Variants in LARGE1 observed in about 807,000 individuals in gnomAD.
The protein encoded by LARGE1 is LARGE xylosyl- and glucuronyltransferase 1, also known as xylosyl- and glucuronyltransferase LARGE1.
A neutral mutation model predicts 87.6 loss-of-function variants in LARGE1; 43 were observed. The observed-to-expected ratio is 0.49, with a 90% CI of 0.38 to 0.63. The LOEUF (loss-of-function observed/expected upper bound fraction) is 0.63. Among genes scored for constraint, LARGE1 ranks in the 30% least tolerant of loss-of-function variants. The pLI is 0.00. For missense variants in LARGE1, 802 were observed against 1,000.2 expected, an observed-to-expected ratio of 0.80 and a Z score of 2.67; for synonymous variants, 434 against 394.6, an observed-to-expected ratio of 1.10 and a Z score of -1.18.
At chr22:33,391,592 G>A (rs866367024) in intron 7 of LARGE1, among the ~76,000 whole-genome samples, 2 of 152,058 alleles carry the variant, frequency 1.3e-5, no homozygotes, top group Non-Finnish European at 2.9e-5. Flanking sequence ...CTAGCAGGTA[G>A]CAAATACTGT....
intron 2 of LARGE1, among the ~76,000 whole-genome samples, chr22:33,715,621 C>CT (rs2082886463): frequency 6.6e-6 from 1 of 152,170 alleles, no homozygotes; most frequent in Non-Finnish European, 1.5e-5. Context: ...AATGTAGGAT[C>CT]GCCAGGCCCT....
intron 6 of LARGE1, among the ~76,000 whole-genome samples, chr22:33,456,811 A>T (rs2068149998): frequency 6.6e-6 from 1 of 152,176 alleles, no homozygotes; most frequent in Non-Finnish European, 1.5e-5. Flanking sequence ...GCCCTTCTGT[A>T]AATGTAGAAT....
At chr22:33,780,987 CA>C (rs2085402515) in intron 1 of LARGE1, among the ~76,000 whole-genome samples, 1 of 152,214 alleles carries the variant, frequency 6.6e-6, no homozygotes, top group African/African-American at 2.4e-5. Flanking sequence ...TGCGATAGCG[CA>C]CAAAGCTGCC....
the LARGE1 span, among the ~76,000 whole-genome samples, chr22:33,075,706 T>C: frequency 6.6e-6 from 1 of 152,232 alleles, no homozygotes; most frequent in African/African-American, 2.4e-5. Context: ...CTGACTATTA[T>C]AGTAAATATG....
At chr22:33,401,470 TA>T (rs934137109) in intron 7 of LARGE1, among the ~76,000 whole-genome samples, 1 of 151,726 alleles carries the variant, frequency 6.6e-6, no homozygotes, top group East Asian at 1.9e-4. Context: ...CCATTAGTCA[TA>T]AAAAAAATAA....
intron 1 of LARGE1, among the ~76,000 whole-genome samples, chr22:33,885,529 T>C (rs1341020239): frequency 6.6e-6 from 1 of 152,262 alleles, no homozygotes; most frequent in Non-Finnish European, 1.5e-5. Flanking sequence ...CTGATATTGA[T>C]AGAGCAATAT....
intron 2 of LARGE1, among the ~76,000 whole-genome samples, chr22:33,656,098 T>C (rs1173298420): frequency 6.6e-6 from 1 of 151,886 alleles, no homozygotes; most frequent in Admixed American, 6.6e-5. Context: ...CACACAAATA[T>C]TACTTCATAT....
intron 7 of LARGE1, among the ~76,000 whole-genome samples, chr22:33,428,709 T>A (rs940811243): frequency 7.5e-6 from 1 of 133,108 alleles, no homozygotes; most frequent in Admixed American, 7.7e-5. Context: ...GATCATGAGG[T>A]CAGGAGATCG....
At chr22:33,549,322 T>G (rs1212403710) in intron 6 of LARGE1, among the ~76,000 whole-genome samples, 16 of 152,234 alleles carry the variant, frequency 1.1e-4, no homozygotes, top group Non-Finnish European at 1.5e-5. Flanking sequence ...AAAAAAGTTG[T>G]GTCTTCTTGA....
At chr22:33,329,416 C>A (rs1203798656) in intron 10 of LARGE1, among the ~76,000 whole-genome samples, 1 of 149,684 alleles carries the variant, frequency 6.7e-6, no homozygotes, top group Admixed American at 6.6e-5. Context: ...AAATTAAATA[C>A]CTTTGTGGGT....
intron 1 of LARGE1, among the ~76,000 whole-genome samples, chr22:33,840,221 C>G (rs911234171): frequency 5.5e-4 from 84 of 152,122 alleles, no homozygotes; most frequent in African/African-American, 1.9e-3. Flanking sequence ...CAAATCGGCA[C>G]CCCCTCAAGA....
intron 11 of LARGE1, among the ~76,000 whole-genome samples, chr22:33,248,889 C>A (rs1926891227): frequency 6.6e-6 from 1 of 152,166 alleles, no homozygotes; most frequent in South Asian, 2.1e-4. Flanking sequence ...CTTAATAGCT[C>A]ATTTCTTTTC....
chr22:33,256,568 G>A (rs1927282701), intron 11 of LARGE1, among the ~76,000 whole-genome samples: 1 of 152,104 alleles, frequency 6.6e-6, no homozygotes, highest in African/African-American at 2.4e-5. Flanking sequence ...ATATTGCCAT[G>A]ACCTGAATAT....
At chr22:33,480,417 G>T (rs2069267351) in intron 6 of LARGE1, among the ~76,000 whole-genome samples, 1 of 2,322 alleles carries the variant, frequency 4.3e-4, no homozygotes, top group South Asian at 0.019. Context: ...AGTCAAGCGG[G>T]TATAATCTCC....
chr22:33,552,376 A>G (rs750654002), intron 6 of LARGE1, among the ~76,000 whole-genome samples: 8 of 152,178 alleles, frequency 5.3e-5, no homozygotes, highest in Non-Finnish European at 1.2e-4. Flanking sequence ...GCTTCCAGGA[A>G]ACAGACAGTC....
At chr22:33,337,586 G>T (rs548271219) in intron 10 of LARGE1, 60 bp downstream of exon 10, 607 of 1,599,112 alleles carry the variant, frequency 3.8e-4, no homozygotes, top group Non-Finnish European at 4.8e-4. Flanking sequence ...CATGGGGGAG[G>T]TCCTTGATGG....
At chr22:33,308,129 GAA>G (rs1251440130) in intron 11 of LARGE1, among the ~76,000 whole-genome samples, 1 of 152,174 alleles carries the variant, frequency 6.6e-6, no homozygotes, top group African/African-American at 2.4e-5. Context: ...ATTAAAGCTG[GAA>G]GCCTCACGCA....
rs138923408 is a variant in LARGE1, at chr22:33,213,554, A to G, written c.1731-46722T>C. Among the ~76,000 whole-genome samples, 647 of 152,348 alleles carry G rather than the reference A, an allele frequency of 4.2e-3. 4 individuals are homozygous for G. Among genetic ancestry groups the G allele is most frequent in the African/African-American group, 0.015 (610 of 41,588 alleles). On this transcript the variant is annotated intron_variant, in intron 11 of 11. Transcript: ENST00000608642. ...AATTGCCACAGCCACCCCAGCTTCC[A>G]GCAACCGCCAACCTGTCAGTCAGCA...
At chr22:33,083,451 T>C in the LARGE1 span, among the ~76,000 whole-genome samples, 1 of 152,190 alleles carries the variant, frequency 6.6e-6, no homozygotes, top group Non-Finnish European at 1.5e-5. Flanking sequence ...TGTCAGTAGG[T>C]GTCACTATCT....
Sources: allele counts gnomAD v4.1 joint callset (sites outside exome capture counted in the v4.1 genomes callset), GRCh38; gene constraint gnomAD v4.1.1; transcripts MANE v1.5; gene names NCBI Gene and HGNC (gene_info 2026-07-23, HGNC 2026-07-21).